The following FUT9 variants were observed in gnomAD, a reference collection of about 807,000 sequenced individuals.
FUT9 encodes the protein 4-galactosyl-N-acetylglucosaminide 3-alpha-L-fucosyltransferase 9.
Under a neutral mutation model 29.7 loss-of-function variants are expected in FUT9, and 15 were observed. The observed-to-expected ratio is 0.51, with a 90% CI of 0.34 to 0.78. FUT9 has a LOEUF of 0.78. FUT9 is among the 30% of genes least tolerant of loss of function. The probability of loss-of-function intolerance (pLI) is 0.01; values close to 1 mark genes in which losing one functional copy is unlikely to be tolerated. For synonymous variants in FUT9, 169 were observed against 153.7 expected (o/e 1.10, Z -0.74); for missense variants, 319 against 425.4 (o/e 0.75, Z 2.20).
intron 1 of FUT9, among the ~76,000 whole-genome samples, chr6:96,085,034 T>C (rs1771292788): frequency 6.6e-6 from 1 of 152,182 alleles, no homozygotes; most frequent in South Asian, 2.1e-4. Context: ...GTTTGACTAT[T>C]TGAAAGGACT....
At chr6:96,081,458 C>T (rs927367417) in intron 1 of FUT9, among the ~76,000 whole-genome samples, 2 of 151,882 alleles carry the variant, frequency 1.3e-5, no homozygotes, top group East Asian at 3.9e-4. Flanking sequence ...TATGCTGATA[C>T]GTCTATTTGT....
intron 2 of FUT9, among the ~76,000 whole-genome samples, chr6:96,164,411 A>T (rs1322631383): frequency 1.3e-5 from 2 of 151,908 alleles, no homozygotes; most frequent in Non-Finnish European, 2.9e-5. Flanking sequence ...GGCGCCTGCC[A>T]CCGCTCCCGG....
At chr6:96,089,781 CTTTT>C (rs1383517146) in intron 1 of FUT9, among the ~76,000 whole-genome samples, 3 of 152,244 alleles carry the variant, frequency 2.0e-5, no homozygotes, top group East Asian at 3.9e-4. Context: ...CATAACAGCG[CTTTT>C]AAGCTATAAA....
intron 1 of FUT9, among the ~76,000 whole-genome samples, chr6:96,060,813 C>T (rs1770860824): frequency 6.6e-6 from 1 of 152,190 alleles, no homozygotes; most frequent in Admixed American, 6.5e-5. Context: ...GCTGGGATTA[C>T]AGGCGTGAGC....
intron 1 of FUT9, among the ~76,000 whole-genome samples, chr6:96,053,930 C>T (rs577687993): frequency 1.3e-5 from 2 of 152,022 alleles, no homozygotes; most frequent in East Asian, 3.9e-4. Context: ...TATTTGTGAA[C>T]ATAATACTAT....
rs1306937435 is a variant in FUT9, at chr6:96,156,590, G to T, written c.-9+42463G>T. Reference sequence around the variant, plus strand: ...GTGGCTCTGCCCCATTCCCCCTAGCGTGCATGTGGACCCTTAATCTTCTCC... The same window carrying T: ...GTGGCTCTGCCCCATTCCCCCTAGCTTGCATGTGGACCCTTAATCTTCTCC... On this transcript the variant is annotated intron_variant, in intron 2 of 2. Transcript: ENST00000302103. Among the ~76,000 whole-genome samples the T allele has an allele frequency of 6.6e-5, 10 of 152,158 alleles. No homozygotes were observed. The East Asian group carries it at 1.9e-3, about 29-fold the overall frequency.
At chr6:96,045,434 A>G (rs537982814) in intron 1 of FUT9, among the ~76,000 whole-genome samples, 2 of 152,350 alleles carry the variant, frequency 1.3e-5, no homozygotes, top group Admixed American at 1.3e-4. Context: ...TGCCACATAC[A>G]TCTAGTTTCT....
chr6:96,183,904 CTT>C lies in FUT9; in HGVS notation c.-8-19238_-8-19237del, dbSNP rs1298159902. 4.6e-5 allele frequency among the ~76,000 whole-genome samples: 7 copies of C among 151,934 alleles called. No individual in the cohort carries two copies. The East Asian group carries it at 9.7e-4, about 21-fold the overall frequency. On this transcript the variant is annotated intron_variant, in intron 2 of 2. Transcript: ENST00000302103. ...TTCAGGGATATCGGGCTGTAGTTTT[CTT>C]TTTTTGTTATATCCTTTCCTGGTTT...
chr6:96,066,646 T>C (rs1376761090), intron 1 of FUT9, among the ~76,000 whole-genome samples: 1 of 152,128 alleles, frequency 6.6e-6, no homozygotes, highest in African/African-American at 2.4e-5. Context: ...AATAGGACCA[T>C]AGGCCAACTT....
In FUT9 at chr6:96,203,223, T is replaced by C. The variant is rs2127991577; in HGVS notation, c.68T>C (p.Met23Thr). ...GTCTGCATTATCCTGGGCTGTTTCATGGCATGTCTTCTCATTTACATCAAA... is the reference window on the plus strand; with the variant it reads ...GTCTGCATTATCCTGGGCTGTTTCACGGCATGTCTTCTCATTTACATCAAA... ...LIVCIILGCF[M>T]ACLLIYIKPT... The change falls in exon 3 of 3, where the codon ATG becomes ACG. Residue 23 changes from methionine (M) to threonine (T), a missense_variant. Transcript: ENST00000302103. 1 of 1,613,490 alleles carries C rather than the reference T, an allele frequency of 6.2e-7. No homozygotes were observed. Among genetic ancestry groups the C allele is most frequent in the East Asian group, 2.2e-5 (1 of 44,868 alleles).
rs1201729276 is a variant in FUT9, at chr6:96,078,405, C to CTGATTTT, written c.-97-35633_-97-35632insGATTTTT. Among the ~76,000 whole-genome samples the CTGATTTT allele has an allele frequency of 5.2e-3, 233 of 45,202 alleles. 7 individuals are homozygous for CTGATTTT. Among genetic ancestry groups the CTGATTTT allele is most frequent in the Middle Eastern group, 0.019 (1 of 54 alleles). The allele number at this position is 45,202 out of a possible 152,430, so 29.7% of individuals were successfully genotyped here. On this transcript the variant is annotated intron_variant, in intron 1 of 2. Coordinates refer to ENST00000302103, the MANE Select transcript of FUT9 (RefSeq NM_006581.4). ...TTTGATCTCTTTCTTTCATATTAGTCTTCTTTTTTTTTTTTTTTTTTTTTT... is the reference window on the plus strand; with the variant it reads ...TTTGATCTCTTTCTTTCATATTAGTCTGATTTTTTCTTTTTTTTTTTTTTTTTTTTTT...
At chr6:96,041,145 A>G (rs1341740565) in intron 1 of FUT9, among the ~76,000 whole-genome samples, 1 of 150,836 alleles carries the variant, frequency 6.6e-6, no homozygotes, top group Non-Finnish European at 1.5e-5. Context: ...TTGTACATGT[A>G]TTTACACATC....
chr6:96,153,554 G>T (rs948081291), intron 2 of FUT9, among the ~76,000 whole-genome samples: 2 of 152,090 alleles, frequency 1.3e-5, no homozygotes, highest in Non-Finnish European at 2.9e-5. Flanking sequence ...GACTGATTTT[G>T]GTTAGAAAAT....
chr6:96,159,245 T>A (rs1772850544), intron 2 of FUT9, among the ~76,000 whole-genome samples: 1 of 111,414 alleles, frequency 9.0e-6, no homozygotes, highest in Non-Finnish European at 2.2e-5. Context: ...CAGGAGTAGA[T>A]GTGAAGACAA....
At chr6:96,080,109 A>G (rs1348602544) in intron 1 of FUT9, among the ~76,000 whole-genome samples, 1 of 151,960 alleles carries the variant, frequency 6.6e-6, no homozygotes, top group Non-Finnish European at 1.5e-5. Flanking sequence ...TTATATTTGA[A>G]CAAATCATGA....
chr6:96,208,346 T>C lies in FUT9; in HGVS notation c.*4111T>C, dbSNP rs1773873546. The C allele has an allele frequency of 6.0e-6, 1 of 166,890 alleles. No homozygotes were observed. The highest frequency in any genetic ancestry group is 6.6e-5 in the Admixed American group (1 of 15,266). The allele number at this position is 166,890 out of a possible 1,614,324, so 10.3% of individuals were successfully genotyped here. On this transcript the variant is annotated 3_prime_UTR_variant, in exon 3 of 3. Transcript: ENST00000302103. ...TTATGACTGTGTTTGATCATATCTT[T>C]GAGTTCCCTTGAACTCTGATCTCAT...
At chr6:96,029,325 G>A (rs1018888196) in intron 1 of FUT9, among the ~76,000 whole-genome samples, 2 of 151,506 alleles carry the variant, frequency 1.3e-5, no homozygotes, top group African/African-American at 4.8e-5. Flanking sequence ...GGGCTTATAT[G>A]TGGACTTCCA....
intron 1 of FUT9, among the ~76,000 whole-genome samples, chr6:96,070,661 T>C (rs539591326): frequency 2.0e-5 from 3 of 152,258 alleles, no homozygotes; most frequent in Admixed American, 2.0e-4. Flanking sequence ...CACTCCAGCC[T>C]GAGCGACAGA....
rs1050951745 is a variant in FUT9, at chr6:96,205,723, C to T, written c.*1488C>T. 1 of 166,346 alleles carries T rather than the reference C, an allele frequency of 6.0e-6. No individual in the cohort carries two copies. Among genetic ancestry groups the T allele is most frequent in the Non-Finnish European group, 1.5e-5 (1 of 68,094 alleles). 10.3% of individuals were successfully genotyped at this position (166,346 alleles called of 1,614,324 possible). A position where few individuals can be genotyped will look rare whatever the true frequency, so the allele number is the denominator to read the frequency against. On this transcript the variant is annotated 3_prime_UTR_variant, in exon 3 of 3. Coordinates refer to ENST00000302103, the MANE Select transcript of FUT9 (RefSeq NM_006581.4). ...CCTTTATTCCTTTCAGGCCAATAAT[C>T]CACCCAAAAATTAGAATGTTCTGAG...
Sources: allele counts gnomAD v4.1 joint callset (sites outside exome capture counted in the v4.1 genomes callset), GRCh38; gene constraint gnomAD v4.1.1; transcripts MANE v1.5; gene names NCBI Gene and HGNC (gene_info 2026-07-23, HGNC 2026-07-21).